SYTL3: variants seen among roughly 807,000 people sequenced by gnomAD.
The protein encoded by SYTL3 is synaptotagmin-like protein 3.
Under a neutral mutation model 82.1 loss-of-function variants are expected in SYTL3, and 88 were observed. That is an observed-to-expected ratio of 1.07 (90% CI 0.90 to 1.28). SYTL3 has a LOEUF of 1.28. Among genes scored for constraint, SYTL3 ranks in the 50% most tolerant of loss-of-function variants. The pLI is 0.00. For missense variants in SYTL3, 831 were observed against 757.6 expected, an observed-to-expected ratio of 1.10 and a Z score of -1.14; for synonymous variants, 311 against 289.4, an observed-to-expected ratio of 1.07 and a Z score of -0.76.
chr6:158,744,713 C>T (rs1482807876), intron 11 of SYTL3, among the ~76,000 whole-genome samples: 1 of 152,102 alleles, frequency 6.6e-6, no homozygotes, highest in Non-Finnish European at 1.5e-5. Context: ...GGCTTGTCTT[C>T]CTATAAAAAG....
At position 158,663,335 on chromosome 6, in the gene SYTL3, TACCGAG is replaced by T; in HGVS notation, c.71_76del (p.Arg24_Asp25del). 1 of 1,614,066 alleles carries T rather than the reference TACCGAG, an allele frequency of 6.2e-7. No homozygotes were observed. Among genetic ancestry groups the T allele is most frequent in the Non-Finnish European group, 8.5e-7 (1 of 1,180,022 alleles). ...ACGCGAGGCCATTCTCCAGGTCCTG[TACCGAG>T]ACCAGGCGGTTCAAAACACAGAGGA... On this transcript the variant is annotated inframe_deletion, in exon 4 of 18. Transcript: ENST00000611299.
intron 12 of SYTL3, among the ~76,000 whole-genome samples, chr6:158,750,878 C>T (rs1788298948): frequency 6.6e-6 from 1 of 152,184 alleles, no homozygotes. Context: ...TCACTGCAAC[C>T]TCCATCTCCC....
upstream of SYTL3, chr6:158,649,998 C>T (rs1787787149): frequency 1.3e-5 from 2 of 152,042 alleles, no homozygotes; most frequent in South Asian, 2.1e-4. Flanking sequence ...AAGAGAAATA[C>T]GTCAGTTACT....
At chr6:158,748,781 G>A (rs1466593540) in intron 12 of SYTL3, among the ~76,000 whole-genome samples, 3 of 151,456 alleles carry the variant, frequency 2.0e-5, no homozygotes, top group South Asian at 4.2e-4. Context: ...GGAGGTAGAC[G>A]TTGCAGTGAG....
chr6:158,658,171 C>T (rs1046577015), intron 2 of SYTL3, among the ~76,000 whole-genome samples: 7 of 152,278 alleles, frequency 4.6e-5, no homozygotes, highest in South Asian at 2.1e-4. Context: ...GGATTACAGG[C>T]GTGAGCCACC....
upstream of SYTL3, among the ~76,000 whole-genome samples, chr6:158,649,329 T>G (rs1787732637): frequency 6.6e-6 from 1 of 152,246 alleles, no homozygotes; most frequent in Non-Finnish European, 1.5e-5. Context: ...TGGCTCTGCT[T>G]CATGTCTTCT....
At chr6:158,703,992 A>G (rs1209577995) in intron 6 of SYTL3, among the ~76,000 whole-genome samples, 1 of 151,500 alleles carries the variant, frequency 6.6e-6, no homozygotes, top group Non-Finnish European at 1.5e-5. Flanking sequence ...CGGCTAGGCT[A>G]ATCTTTGTAT....
rs772813915 is a variant in SYTL3, at chr6:158,751,913, G to A, written c.1035-15G>A. 1 of 1,592,080 alleles carries A rather than the reference G, an allele frequency of 6.3e-7. No individual in the cohort carries two copies. The highest frequency in any genetic ancestry group is 1.1e-5 in the South Asian group (1 of 88,184). ...CCTGAGTTCTCACTCTGTCCCCGCT[G>A]TGTTTGGCCCCTAGGTATGTGAAGA... On this transcript the variant is annotated splice_polypyrimidine_tract_variant and intron_variant, in intron 12 of 17. Coordinates refer to ENST00000611299, the MANE Select transcript of SYTL3 (RefSeq NM_001242394.2).
chr6:158,674,923 C>T (rs1374701917), intron 5 of SYTL3, among the ~76,000 whole-genome samples: 2 of 151,972 alleles, frequency 1.3e-5, no homozygotes, highest in African/African-American at 4.8e-5. Context: ...GCCCCCTTCC[C>T]TCATTTACAG....
chr6:158,656,120 G>C (rs1364528788), intron 2 of SYTL3, among the ~76,000 whole-genome samples: 1 of 152,188 alleles, frequency 6.6e-6, no homozygotes, highest in Non-Finnish European at 1.5e-5. Context: ...CTTCACTGGA[G>C]AGTGGAAGAG....
At chr6:158,752,872 G>A (rs1305195203) in intron 13 of SYTL3, among the ~76,000 whole-genome samples, 2 of 152,208 alleles carry the variant, frequency 1.3e-5, no homozygotes, top group East Asian at 3.9e-4. Flanking sequence ...AATAATAATA[G>A]CCCTTGTTTC....
chr6:158,702,535 C>T (rs1201664370), intron 6 of SYTL3, among the ~76,000 whole-genome samples: 3 of 151,028 alleles, frequency 2.0e-5, no homozygotes, highest in African/African-American at 7.3e-5. Flanking sequence ...GAGTAAAACC[C>T]CGTCTCAAAA....
At chr6:158,729,645 C>A (rs995439805) in intron 11 of SYTL3, among the ~76,000 whole-genome samples, 5 of 149,680 alleles carry the variant, frequency 3.3e-5, no homozygotes, top group African/African-American at 1.2e-4. Flanking sequence ...CAGCTCACTG[C>A]AAGCTCCGCC....
chr6:158,669,544 T>C (rs1777129742), intron 5 of SYTL3, among the ~76,000 whole-genome samples: 1 of 152,212 alleles, frequency 6.6e-6, no homozygotes, highest in South Asian at 2.1e-4. Flanking sequence ...TATACCATCA[T>C]TAGAACAGAA....
chr6:158,656,245 T>C (rs1788663333), intron 2 of SYTL3, among the ~76,000 whole-genome samples: 1 of 152,174 alleles, frequency 6.6e-6, no homozygotes, highest in Admixed American at 6.5e-5. Flanking sequence ...GGCGGTGGCG[T>C]CTCAGCCAGG....
In SYTL3 at chr6:158,687,251, A is replaced by G. The variant is rs562246481; in HGVS notation, c.394+4262A>G. Among the ~76,000 whole-genome samples the G allele has an allele frequency of 5.3e-5, 8 of 152,316 alleles. No individual in the cohort carries two copies. The South Asian group carries it at 1.7e-3, about 32-fold the overall frequency. ...ATCTGTGCTCTTGGGGCTTACCCTCATACCTGGCCAGTGACTGCTGGTATT... is the reference window on the plus strand; with the variant it reads ...ATCTGTGCTCTTGGGGCTTACCCTCGTACCTGGCCAGTGACTGCTGGTATT... On this transcript the variant is annotated intron_variant, in intron 6 of 17. Transcript: ENST00000611299.
At chr6:158,754,244 G>A (rs1583489124) in intron 13 of SYTL3, among the ~76,000 whole-genome samples, 1 of 152,188 alleles carries the variant, frequency 6.6e-6, no homozygotes, top group Non-Finnish European at 1.5e-5. Flanking sequence ...TGGACCCAGG[G>A]AGACTTGTAC....
intron 6 of SYTL3, among the ~76,000 whole-genome samples, chr6:158,699,987 G>A (rs1424405276): frequency 6.6e-6 from 1 of 151,908 alleles, no homozygotes; most frequent in Admixed American, 6.6e-5. Context: ...TGGATGCAGT[G>A]GCTCACGCCT....
rs140578931 is a variant in SYTL3, at chr6:158,664,853, G to A, written c.111-542G>A. ...AATGACACCTTTTTGGTCCAATACA[G>A]TATCTCTTTGCACTATGGCTATTTG... On this transcript the variant is annotated intron_variant, in intron 4 of 17. Coordinates refer to ENST00000611299, the MANE Select transcript of SYTL3 (RefSeq NM_001242394.2). 3.3e-3 allele frequency among the ~76,000 whole-genome samples: 501 copies of A among 152,052 alleles called. 2 individuals carry two copies. Among genetic ancestry groups the A allele is most frequent in the African/African-American group, 0.012 (480 of 41,430 alleles).
Sources: allele counts gnomAD v4.1 joint callset (sites outside exome capture counted in the v4.1 genomes callset), GRCh38; gene constraint gnomAD v4.1.1; transcripts MANE v1.5; gene names NCBI Gene and HGNC (gene_info 2026-07-23, HGNC 2026-07-21).